Variants in TGFB2 observed in about 807,000 individuals in gnomAD.
The protein encoded by TGFB2 is transforming growth factor beta 2, also known as transforming growth factor beta-2 proprotein.
TGFB2 carries 13 observed loss-of-function variants against 42.7 expected under a neutral mutation model. The ratio of observed to expected loss-of-function variants is 0.30; its 90% CI spans 0.20 to 0.48. The LOEUF (loss-of-function observed/expected upper bound fraction) is 0.48, where lower values mean the gene tolerates loss of function less well. Among genes scored for constraint, TGFB2 ranks in the 20% least tolerant of loss-of-function variants. The pLI, the probability that TGFB2 is intolerant of heterozygous loss-of-function variation, is 0.99. For missense variants in TGFB2, 390 were observed against 517.5 expected (o/e 0.75, Z 2.39); for synonymous variants, 193 against 193.6 (o/e 1.00, Z 0.03).
intron 2 of TGFB2, among the ~76,000 whole-genome samples, chr1:218,419,969 T>G (rs1231777769): frequency 6.6e-6 from 1 of 152,250 alleles, no homozygotes; most frequent in Non-Finnish European, 1.5e-5. Context: ...TATAGTCACA[T>G]GCCCTAAATT....
chr1:218,375,034 A>C (rs964614671), intron 1 of TGFB2, among the ~76,000 whole-genome samples: 3 of 152,180 alleles, frequency 2.0e-5, no homozygotes, highest in Non-Finnish European at 4.4e-5. Context: ...AGTTCAAAAA[A>C]AGATTTTTTT....
chr1:218,416,099 G>T (rs2102606607), intron 2 of TGFB2, among the ~76,000 whole-genome samples: 1 of 150,552 alleles, frequency 6.6e-6, no homozygotes, highest in East Asian at 1.9e-4. Context: ...GCTTTATCAA[G>T]ATGTTAAGGG....
chr1:218,382,734 A>G (rs536719419), intron 1 of TGFB2, among the ~76,000 whole-genome samples: 1 of 152,268 alleles, frequency 6.6e-6, no homozygotes, highest in South Asian at 2.1e-4. Context: ...AGATGGAGTG[A>G]TTTGCTTGTG....
intron 2 of TGFB2, among the ~76,000 whole-genome samples, chr1:218,408,884 A>G (rs1212568859): frequency 3.3e-5 from 5 of 152,190 alleles, no homozygotes; most frequent in Non-Finnish European, 7.3e-5. Flanking sequence ...GTAATATATA[A>G]TGAAATAATT....
intron 1 of TGFB2, among the ~76,000 whole-genome samples, chr1:218,378,682 C>T (rs1657839823): frequency 6.6e-6 from 1 of 151,996 alleles, no homozygotes; most frequent in African/African-American, 2.4e-5. Context: ...CCATAGCTCA[C>T]TGCAGCCTGG....
chr1:218,430,130 G>C (rs1375823744), intron 2 of TGFB2, among the ~76,000 whole-genome samples: 2 of 152,226 alleles, frequency 1.3e-5, no homozygotes, highest in African/African-American at 4.8e-5. Context: ...ACATAAAGAG[G>C]CCGGGCGTGG....
rs767393318 is a variant in TGFB2 at position 218,346,986 on chromosome 1, C to A, written c.285C>A (p.Asp95Glu). Residue 95 changes from aspartate to glutamate, a missense_variant, in exon 1 of 7, where the codon GAC (aspartate) becomes GAA (glutamate). Coordinates refer to ENST00000366930, the MANE Select transcript of TGFB2 (RefSeq NM_003238.6). The surrounding 1 kb of genome is among the most constrained non-coding windows in gnomAD (Gnocchi z 4.9). ...RAAACERERS[D>E]EEYYAKEVYK... Reference sequence around the variant, plus strand: ...CCGCCTGCGAGCGCGAGAGGAGCGACGAAGAGTACTACGCCAAGGAGGTTT... The same window carrying A: ...CCGCCTGCGAGCGCGAGAGGAGCGAAGAAGAGTACTACGCCAAGGAGGTTT... The A allele has an allele frequency of 2.2e-5, 36 of 1,613,056 alleles. No individual in the cohort carries two copies. The South Asian group carries it at 3.7e-4, about 17-fold the overall frequency.
At chr1:218,379,126 CTTTCT>C (rs1657860848) in intron 1 of TGFB2, among the ~76,000 whole-genome samples, 2 of 143,738 alleles carry the variant, frequency 1.4e-5, no homozygotes, top group African/African-American at 5.2e-5. Context: ...TTCTTTCTTT[CTTTCT>C]TTTTTTTTTT....
chr1:218,346,576 T>C lies in TGFB2; in HGVS notation c.-126T>C. 1.3e-6 allele frequency: 1 copy of C among 778,546 alleles called. No individual in the cohort carries two copies. The highest frequency in any genetic ancestry group is 1.9e-6 in the Non-Finnish European group (1 of 522,790). The allele number at this position is 778,546 out of a possible 1,614,324, so 48.2% of individuals were successfully genotyped here. ...GCATTGACTAGATTGTTTGCAAAAG[T>C]TTCGCATCAAAAACAACAACAACAA... On this transcript the variant is annotated 5_prime_UTR_variant, in exon 1 of 7. Transcript: ENST00000366930. The surrounding 1 kb of genome is among the most constrained non-coding windows in gnomAD (Gnocchi z 4.9).
chr1:218,359,728 C>A (rs1657151138), intron 1 of TGFB2, among the ~76,000 whole-genome samples: 1 of 152,142 alleles, frequency 6.6e-6, no homozygotes, highest in South Asian at 2.1e-4. Flanking sequence ...ATTGTACCCA[C>A]TTACAGAGTT....
rs927097576 is a variant in TGFB2, at chr1:218,443,162, T to C, written c.*1800T>C. ...TATGATCAAAAAATTCTTTCTTTCC[T>C]CTGAGTGAGAGTTATCTATATCTGA... On this transcript the variant is annotated 3_prime_UTR_variant, in exon 7 of 7. Transcript: ENST00000366930. The C allele has an allele frequency of 2.0e-5, 3 of 152,220 alleles. No homozygotes were observed. The highest frequency in any genetic ancestry group is 4.4e-5 in the Non-Finnish European group (3 of 68,026). The allele number at this position is 152,220 out of a possible 1,614,324, so 9.4% of individuals were successfully genotyped here.
chr1:218,347,072 C>G (rs746220497), intron 1 of TGFB2, 25 bp downstream of exon 1: 1 of 1,548,444 alleles, frequency 6.5e-7, no homozygotes, highest in African/African-American at 1.4e-5. Flanking sequence ...TGACTTCCAT[C>G]CCCTGAGGTT....
At chr1:218,406,245 G>A (rs1396432715) in intron 2 of TGFB2, among the ~76,000 whole-genome samples, 1 of 151,638 alleles carries the variant, frequency 6.6e-6, no homozygotes, top group Non-Finnish European at 1.5e-5. Flanking sequence ...CAGCCCTGAT[G>A]TCTCCTGTTC....
Position 218,346,669 on chromosome 1 carries a change from T to C in TGFB2, c.-33T>C. The C allele has an allele frequency of 6.4e-7, 1 of 1,557,054 alleles. No individual in the cohort carries two copies. Among genetic ancestry groups the C allele is most frequent in the South Asian group, 1.2e-5 (1 of 83,306 alleles). On this transcript the variant is annotated 5_prime_UTR_variant, in exon 1 of 7. Transcript: ENST00000366930. This position sits in a 1 kb window ranked among gnomAD's most constrained non-coding sequence, Gnocchi z 4.9. ...GATTTCTTTTTTTTATTCTGACTTTTAAAAACAACTTTTTTTTCCACTTTT... is the reference window on the plus strand; with the variant it reads ...GATTTCTTTTTTTTATTCTGACTTTCAAAAACAACTTTTTTTTCCACTTTT...
intron 1 of TGFB2, among the ~76,000 whole-genome samples, chr1:218,371,025 C>T (rs540849401): frequency 1.3e-5 from 2 of 152,132 alleles, no homozygotes; most frequent in Non-Finnish European, 2.9e-5. Flanking sequence ...TCTGGCTGGG[C>T]GCAGTGGCTC....
intron 1 of TGFB2, among the ~76,000 whole-genome samples, chr1:218,394,151 C>A (rs989946523): frequency 1.3e-5 from 2 of 152,110 alleles, no homozygotes; most frequent in Non-Finnish European, 2.9e-5. Context: ...CCTCGTGATC[C>A]GCCCGCCTCG....
At chr1:218,421,166 T>C (rs770895244) in intron 2 of TGFB2, among the ~76,000 whole-genome samples, 1 of 152,200 alleles carries the variant, frequency 6.6e-6, no homozygotes, top group Non-Finnish European at 1.5e-5. Flanking sequence ...TGTACCCAGT[T>C]CTGATTCTCT....
intron 1 of TGFB2, among the ~76,000 whole-genome samples, chr1:218,399,674 T>C (rs1571870161): frequency 6.6e-6 from 1 of 152,288 alleles, no homozygotes. Flanking sequence ...GGGACTGGAA[T>C]TGCTCCCTAC....
chr1:218,356,689 G>A (rs141465001), intron 1 of TGFB2, among the ~76,000 whole-genome samples: 1,561 of 152,272 alleles, frequency 0.01, 17 homozygotes, highest in Non-Finnish European at 0.012. Context: ...TGCTTCTGGG[G>A]CTGGTTTCGC....
Sources: allele counts gnomAD v4.1 joint callset (sites outside exome capture counted in the v4.1 genomes callset), GRCh38; gene constraint gnomAD v4.1.1; non-coding constraint Gnocchi (gnomAD v3.1); transcripts MANE v1.5; gene names NCBI Gene and HGNC (gene_info 2026-07-23, HGNC 2026-07-21).